Variants in RAI14 observed in about 807,000 individuals in gnomAD.
RAI14 encodes the protein ankycorbin.
A neutral mutation model predicts 115.4 loss-of-function variants in RAI14; 45 were observed. That is an observed-to-expected ratio of 0.39 (90% CI 0.31 to 0.50). The LOEUF (loss-of-function observed/expected upper bound fraction) is 0.50. Among genes scored for constraint, RAI14 ranks in the 20% least tolerant of loss-of-function variants. The pLI, the probability that RAI14 is intolerant of heterozygous loss-of-function variation, is 0.85. For missense variants in RAI14, 939 were observed against 1,131.2 expected (o/e 0.83, Z 2.44); for synonymous variants, 371 against 415.4 (o/e 0.89, Z 1.30).
chr5:34,819,717 A>C (rs995300758), intron 13 of RAI14, among the ~76,000 whole-genome samples: 5 of 152,284 alleles, frequency 3.3e-5, no homozygotes, highest in East Asian at 1.9e-4. Flanking sequence ...TGTATTTCAT[A>C]GGTGTTTGGA....
chr5:34,782,747 T>G (rs753182150), intron 3 of RAI14, among the ~76,000 whole-genome samples: 1 of 152,206 alleles, frequency 6.6e-6, no homozygotes, highest in Non-Finnish European at 1.5e-5. Context: ...GCCATATTCC[T>G]TATCATTTCT....
chr5:34,687,007 G>A (rs763146818), intron 2 of RAI14, 52 bp downstream of exon 2: 3 of 1,595,208 alleles, frequency 1.9e-6, no homozygotes, highest in South Asian at 2.2e-5. Flanking sequence ...CCATGGAGCT[G>A]CAGAAACGCT....
intron 4 of RAI14, among the ~76,000 whole-genome samples, chr5:34,801,458 A>G (rs1318295917): frequency 1.3e-5 from 2 of 151,332 alleles, no homozygotes; most frequent in Non-Finnish European, 2.9e-5. Context: ...AGAAAGAAAA[A>G]TGGGGCCGGG....
intron 2 of RAI14, chr5:34,688,180 C>T: frequency 6.5e-7 from 1 of 1,549,202 alleles, no homozygotes; most frequent in Non-Finnish European, 8.7e-7. Context: ...CTCCTTCAAC[C>T]TCATCGTCTG....
intron 3 of RAI14, among the ~76,000 whole-genome samples, chr5:34,761,180 T>C (rs554006787): frequency 2.0e-5 from 3 of 152,278 alleles, no homozygotes; most frequent in African/African-American, 7.2e-5. Context: ...TCTTCCTGAA[T>C]TTACCTTTTT....
At chr5:34,730,575 C>T (rs576097663) in intron 2 of RAI14, among the ~76,000 whole-genome samples, 2 of 152,088 alleles carry the variant, frequency 1.3e-5, no homozygotes, top group East Asian at 3.9e-4. Flanking sequence ...ACTCGGGAGG[C>T]AGAGACACAA....
At chr5:34,821,511 T>A (rs111790381) in intron 13 of RAI14, among the ~76,000 whole-genome samples, 321 of 152,208 alleles carry the variant, frequency 2.1e-3, no homozygotes, top group African/African-American at 7.5e-3. Flanking sequence ...TTGCCTTGTG[T>A]ACACATGTAT....
intron 2 of RAI14, among the ~76,000 whole-genome samples, chr5:34,691,520 A>G (rs1738597791): frequency 6.6e-6 from 1 of 152,170 alleles, no homozygotes; most frequent in African/African-American, 2.4e-5. Context: ...TGAGGCCAAA[A>G]AGGCTGGGAT....
chr5:34,796,547 A>G (rs1192928291), intron 4 of RAI14, among the ~76,000 whole-genome samples: 1 of 152,156 alleles, frequency 6.6e-6, no homozygotes, highest in African/African-American at 2.4e-5. Context: ...TCAACTAGAG[A>G]CTGTATGCTT....
At chr5:34,690,756 GCA>G (rs767437206) in intron 2 of RAI14, among the ~76,000 whole-genome samples, 24,285 of 152,060 alleles carry the variant, frequency 0.16, 2,167 homozygotes, top group East Asian at 0.3. Context: ...AGAATAAACA[GCA>G]TTATGGAATT....
chr5:34,688,357 T>G, intron 2 of RAI14: 1 of 1,094,522 alleles, frequency 9.1e-7, no homozygotes, highest in Admixed American at 2.4e-5. Context: ...GTAGCTTTCA[T>G]TTACATAGGT....
At chr5:34,688,259 G>T (rs1018912708) in intron 2 of RAI14, 3 of 1,546,024 alleles carry the variant, frequency 1.9e-6, no homozygotes, top group African/African-American at 2.7e-5. Context: ...GCAATTAAAT[G>T]GAAAATGTTG....
At chr5:34,669,864 C>G (rs962617400) in intron 1 of RAI14, among the ~76,000 whole-genome samples, 2 of 152,122 alleles carry the variant, frequency 1.3e-5, no homozygotes, top group Admixed American at 1.3e-4. Flanking sequence ...TGCTGTCAGC[C>G]CAGGCGAACG....
chr5:34,694,321 C>T (rs2149905590), intron 2 of RAI14, among the ~76,000 whole-genome samples: 1 of 152,336 alleles, frequency 6.6e-6, no homozygotes, highest in Non-Finnish European at 1.5e-5. Flanking sequence ...GCTTCTGAAT[C>T]AGCCTGTGGA....
At chr5:34,693,588 A>G (rs997440545) in intron 2 of RAI14, among the ~76,000 whole-genome samples, 6 of 152,222 alleles carry the variant, frequency 3.9e-5, no homozygotes, top group African/African-American at 7.2e-5. Context: ...CCATTGCTAC[A>G]ATGCATTTGA....
At chr5:34,787,202 A>G (rs1752403587) in intron 3 of RAI14, among the ~76,000 whole-genome samples, 2 of 152,326 alleles carry the variant, frequency 1.3e-5, no homozygotes, top group African/African-American at 4.8e-5. Context: ...GTTTATGGCC[A>G]GATTTGGGGG....
intron 3 of RAI14, among the ~76,000 whole-genome samples, chr5:34,781,399 T>C (rs1751622309): frequency 6.6e-6 from 1 of 152,170 alleles, no homozygotes; most frequent in Non-Finnish European, 1.5e-5. Context: ...AAAGCTTATG[T>C]AGAGACAAAG....
chr5:34,781,604 A>G (rs1375233643), intron 3 of RAI14, among the ~76,000 whole-genome samples: 1 of 152,244 alleles, frequency 6.6e-6, no homozygotes, highest in African/African-American at 2.4e-5. Flanking sequence ...AGGCTTGGCT[A>G]GGATGTGGAG....
intron 1 of RAI14, among the ~76,000 whole-genome samples, chr5:34,677,526 C>T (rs1744077922): frequency 6.6e-6 from 1 of 151,758 alleles, no homozygotes; most frequent in African/African-American, 2.4e-5. Context: ...CTCCCTGTAG[C>T]CTCAAACTCC....
Sources: allele counts gnomAD v4.1 joint callset (sites outside exome capture counted in the v4.1 genomes callset), GRCh38; gene constraint gnomAD v4.1.1; transcripts MANE v1.5; gene names NCBI Gene and HGNC (gene_info 2026-07-23, HGNC 2026-07-21).